KLHDC2: variants seen among roughly 807,000 people sequenced by gnomAD.
The protein encoded by KLHDC2 is kelch domain-containing protein 2.
Under a neutral mutation model 62.3 loss-of-function variants are expected in KLHDC2, and 38 were observed. That is an observed-to-expected ratio of 0.61 (90% confidence interval 0.47 to 0.80). KLHDC2 has a LOEUF of 0.80. KLHDC2 is among the 30% of genes least tolerant of loss of function. KLHDC2 has a pLI of 0.00. For missense variants in KLHDC2, 430 were observed against 495.3 expected, an observed-to-expected ratio of 0.87 and a Z score of 1.25; for synonymous variants, 159 against 161.0, an observed-to-expected ratio of 0.99 and a Z score of 0.09.
At position 49,785,399 on chromosome 14, in the gene KLHDC2, C is replaced by G. The variant is rs1471237609; in HGVS notation, c.*2446C>G. 20 of 913,834 alleles carry G rather than the reference C, an allele frequency of 2.2e-5. No individual in the cohort carries two copies. Among genetic ancestry groups the G allele is most frequent in the Non-Finnish European group, 3.6e-5 (20 of 550,856 alleles). 56.6% of individuals were successfully genotyped at this position (913,834 alleles called of 1,614,324 possible). On this transcript the variant is annotated 3_prime_UTR_variant, in exon 13 of 13. Coordinates refer to ENST00000298307, the MANE Select transcript of KLHDC2 (RefSeq NM_014315.3). ...AATGCTAAAACACTTGAATTAGTAT[C>G]TCAACATATTTTTTATCTTTTCCTG...
chr14:49,782,413 G>A lies in KLHDC2; in HGVS notation c.1000G>A (p.Val334Ile), dbSNP rs1566639048. 6.2e-7 allele frequency: 1 copy of A among 1,612,604 alleles called. No individual in the cohort carries two copies. Among genetic ancestry groups the A allele is most frequent in the Non-Finnish European group, 8.5e-7 (1 of 1,178,734 alleles). The part of the protein sequence containing the change: ...ACASDEGEVI[V>I]FGGCANNLLV... ...TGCCAGCGATGAAGGAGAAGTAATT[G>A]TTTTTGGTGGATGTGCCAACAACTT... Residue 334 changes from valine to isoleucine, a missense_variant, in exon 11 of 13, where the codon GTT (valine) becomes ATT (isoleucine). Transcript: ENST00000298307.
rs561427447 is a variant in KLHDC2, at chr14:49,772,591, G to C, written c.233+918G>C. Among the ~76,000 whole-genome samples, 40 of 152,324 alleles carry C rather than the reference G, an allele frequency of 2.6e-4. No homozygotes were observed. The South Asian group carries it at 7.5e-3, about 28-fold the overall frequency. ...GATTTACAAAGTAGTTTTCCCCATG[G>C]TGTGCTTTGTGAGAACTTTATGCTT... On this transcript the variant is annotated intron_variant, in intron 2 of 12. Transcript: ENST00000298307.
At chr14:49,770,808 C>T (rs1446300424) in intron 1 of KLHDC2, among the ~76,000 whole-genome samples, 1 of 152,194 alleles carries the variant, frequency 6.6e-6, no homozygotes, top group Non-Finnish European at 1.5e-5. Flanking sequence ...TGGAGCAGAA[C>T]AAAGAACTTA....
In KLHDC2 at chr14:49,784,182, G is replaced by GGGAAAA. The variant is rs1566641786; in HGVS notation, c.*1230_*1235dup. ...CATAGTGTTTCCTCTATATAAAACT[G>GGGAAAA]GGAAAAAAACAAGAATTAAGTCCTT... On this transcript the variant is annotated 3_prime_UTR_variant, in exon 13 of 13. Coordinates refer to ENST00000298307, the MANE Select transcript of KLHDC2 (RefSeq NM_014315.3). The GGGAAAA allele has an allele frequency of 6.6e-6, 1 of 151,000 alleles. No individual in the cohort carries two copies. The highest frequency in any genetic ancestry group is 2.0e-4 in the East Asian group (1 of 5,058). 9.4% of individuals were successfully genotyped at this position (151,000 alleles called of 1,614,324 possible). A position where few individuals can be genotyped will look rare whatever the true frequency, so the allele number is the denominator to read the frequency against.
intron 6 of KLHDC2, among the ~76,000 whole-genome samples, chr14:49,779,282 T>C (rs1261581421): frequency 1.3e-5 from 2 of 152,238 alleles, no homozygotes; most frequent in Non-Finnish European, 2.9e-5. Context: ...TTCTTTTCCC[T>C]CTGACACAGA....
rs369223019 is a variant in KLHDC2 at position 49,785,076 on chromosome 14, A to T, written c.*2123A>T. The T allele has an allele frequency of 3.1e-5, 50 of 1,607,100 alleles. No homozygotes were observed. Among genetic ancestry groups the T allele is most frequent in the African/African-American group, 4.0e-5 (3 of 74,756 alleles). On this transcript the variant is annotated 3_prime_UTR_variant, in exon 13 of 13. Transcript: ENST00000298307. Reference sequence around the variant, plus strand: ...AACTGTTTAAAATCATAATTCAAAAAAACAAATTTAAATACCTTTTCCCTT... The same window carrying T: ...AACTGTTTAAAATCATAATTCAAAATAACAAATTTAAATACCTTTTCCCTT...
At chr14:49,770,400 T>G (rs1889638335) in intron 1 of KLHDC2, among the ~76,000 whole-genome samples, 1 of 152,232 alleles carries the variant, frequency 6.6e-6, no homozygotes, top group Non-Finnish European at 1.5e-5. Flanking sequence ...TTCCAGCCTT[T>G]CCCTTCATCA....
intron 10 of KLHDC2, among the ~76,000 whole-genome samples, chr14:49,781,329 T>A (rs4900955): frequency 1 from 148,418 of 148,962 alleles, 73,940 homozygotes; most frequent in Middle Eastern, 1. Flanking sequence ...AGATCGTGCC[T>A]TTGCACTCCA....
chr14:49,778,736 T>A (rs1355856938), intron 6 of KLHDC2, among the ~76,000 whole-genome samples: 2 of 151,940 alleles, frequency 1.3e-5, no homozygotes, highest in Non-Finnish European at 1.5e-5. Context: ...CTTTTTTTTT[T>A]TTTTTGAGAC....
chr14:49,780,500 A>G, intron 9 of KLHDC2, 178 bp downstream of exon 9: 1 of 636,078 alleles, frequency 1.6e-6, no homozygotes. Context: ...CTGTTCAATA[A>G]AGAACCTGGA....
At position 49,774,605 on chromosome 14, in the gene KLHDC2, G is replaced by A; in HGVS notation, c.278G>A (p.Gly93Glu). ...GGTGATGTTCCTCCTTCTATGTCAG[G>A]AAGCTGTGCTGTGTGTGTAGACAGG... The part of the protein sequence containing the change: ...TEGDVPPSMS[G>E]SCAVCVDRVL... The change falls in exon 3 of 13, where the codon GGA becomes GAA. Residue 93 changes from glycine to glutamate, a missense_variant. Coordinates refer to ENST00000298307, the MANE Select transcript of KLHDC2 (RefSeq NM_014315.3). 1 of 1,614,006 alleles carries A rather than the reference G, an allele frequency of 6.2e-7. No homozygotes were observed. The highest frequency in any genetic ancestry group is 8.5e-7 in the Non-Finnish European group (1 of 1,179,890).
At chr14:49,774,829 T>G in intron 3 of KLHDC2, 151 bp downstream of exon 3, 1 of 696,414 alleles carries the variant, frequency 1.4e-6, no homozygotes, top group East Asian at 2.5e-5. Flanking sequence ...ATTTTAGTAT[T>G]TTGTGTGCCA....
chr14:49,773,197 AGGTCAG>A (rs1889699250), intron 2 of KLHDC2, among the ~76,000 whole-genome samples: 1 of 150,510 alleles, frequency 6.6e-6, no homozygotes, highest in South Asian at 2.1e-4. Flanking sequence ...GTGGATCATG[AGGTCAG>A]GAGATCCAGA....
intron 3 of KLHDC2, among the ~76,000 whole-genome samples, chr14:49,777,439 G>A (rs8018698): frequency 0.16 from 24,572 of 152,016 alleles, 2,294 homozygotes; most frequent in Non-Finnish European, 0.21. Context: ...GAAAATGTAC[G>A]GCTGTCTTAG....
intron 1 of KLHDC2, 38 bp downstream of exon 1, chr14:49,768,659 C>G (rs776919436): frequency 1.2e-5 from 18 of 1,530,862 alleles, no homozygotes; most frequent in Non-Finnish European, 1.5e-5. Context: ...CGTCGCTCGG[C>G]TGTGACTCGG....
At chr14:49,777,793 T>A in intron 3 of KLHDC2, 46 bp from the exon 4 acceptor site, 1 of 1,012,142 alleles carries the variant, frequency 9.9e-7, no homozygotes, top group Non-Finnish European at 1.5e-6. Context: ...TAAACTTGAA[T>A]TTCTTTCATA....
chr14:49,780,051 A>G (rs1889855837), intron 8 of KLHDC2, 162 bp from the exon 9 acceptor site: 1 of 624,530 alleles, frequency 1.6e-6, no homozygotes, highest in Non-Finnish European at 2.8e-6. Context: ...TTCTAACGTC[A>G]AAGAAAATAT....
rs544104262 is a variant in KLHDC2 at position 49,782,602 on chromosome 14, A to G, written c.1097+8A>G. 1 of 1,591,142 alleles carries G rather than the reference A, an allele frequency of 6.3e-7. No individual in the cohort carries two copies. Among genetic ancestry groups the G allele is most frequent in the South Asian group, 1.1e-5 (1 of 88,996 alleles). On this transcript the variant is annotated splice_region_variant and intron_variant, in intron 12 of 12. Coordinates refer to ENST00000298307, the MANE Select transcript of KLHDC2 (RefSeq NM_014315.3). ...ACCAAAATCTCTTGTACGGTAAGTA[A>G]CTTTGTACTTGGCACTTAGATTATT...
intron 3 of KLHDC2, chr14:49,774,906 G>T: frequency 4.2e-6 from 2 of 470,794 alleles, no homozygotes; most frequent in Non-Finnish European, 7.5e-6. Context: ...GTAACTTCCT[G>T]GGTGGTTTTT....
Sources: allele counts gnomAD v4.1 joint callset (sites outside exome capture counted in the v4.1 genomes callset), GRCh38; gene constraint gnomAD v4.1.1; transcripts MANE v1.5; gene names NCBI Gene and HGNC (gene_info 2026-07-23, HGNC 2026-07-21).